METTL15: variants seen among roughly 807,000 people sequenced by gnomAD.
The protein encoded by METTL15 is methyltransferase 15, mitochondrial 12S rRNA N4-cytidine.
Under a neutral mutation model 38.3 loss-of-function variants are expected in METTL15, and 34 were observed. That is an observed-to-expected ratio of 0.89 (90% CI 0.68 to 1.18). METTL15 has a LOEUF of 1.18. METTL15 is among the 50% of genes most tolerant of loss of function. The pLI is 0.00. For synonymous variants in METTL15, 162 were observed against 170.9 expected, an observed-to-expected ratio of 0.95 and a Z score of 0.41; for missense variants, 438 against 498.4, an observed-to-expected ratio of 0.88 and a Z score of 1.15.
chr11:28,526,286 G>T (rs1418323564), intron 6 of METTL15, among the ~76,000 whole-genome samples: 1 of 152,250 alleles, frequency 6.6e-6, no homozygotes, highest in Non-Finnish European at 1.5e-5. Flanking sequence ...CTGACGCCGA[G>T]GCCGAGGAGG....
chr11:28,123,895 C>A (rs1852358279), intron 3 of METTL15: 2 of 1,462,606 alleles, frequency 1.4e-6, no homozygotes, highest in South Asian at 2.8e-5. Context: ...TTAATATATT[C>A]ATAAAGATGG....
chr11:28,219,981 C>T (rs1444579554), intron 4 of METTL15, among the ~76,000 whole-genome samples: 1 of 152,092 alleles, frequency 6.6e-6, no homozygotes, highest in African/African-American at 2.4e-5. Flanking sequence ...TTATTTCCAA[C>T]TATGTGGTCA....
intron 6 of METTL15, among the ~76,000 whole-genome samples, chr11:28,470,900 CT>C (rs926001895): frequency 6.6e-6 from 1 of 152,074 alleles, no homozygotes; most frequent in Non-Finnish European, 1.5e-5. Context: ...ATAATTTCTT[CT>C]TATTATCTAC....
chr11:28,418,286 G>A (rs759154860), intron 5 of METTL15, among the ~76,000 whole-genome samples: 3 of 152,174 alleles, frequency 2.0e-5, no homozygotes, highest in East Asian at 1.9e-4. Flanking sequence ...CTCCAGGAGC[G>A]TTCTTGTGAG....
chr11:28,216,566 C>A (rs1454713291), intron 4 of METTL15, among the ~76,000 whole-genome samples: 1 of 151,576 alleles, frequency 6.6e-6, no homozygotes, highest in African/African-American at 2.4e-5. Flanking sequence ...TGAGAAACTT[C>A]TTTTTTTTAT....
At chr11:28,118,666 A>G (rs910358116) in intron 3 of METTL15, among the ~76,000 whole-genome samples, 2 of 152,152 alleles carry the variant, frequency 1.3e-5, no homozygotes, top group African/African-American at 2.4e-5. Context: ...TTGCCCCAGT[A>G]GTAGTGCTAA....
intron 6 of METTL15, among the ~76,000 whole-genome samples, chr11:28,451,674 G>A (rs1851122047): frequency 6.6e-6 from 1 of 152,160 alleles, no homozygotes; most frequent in Non-Finnish European, 1.5e-5. Flanking sequence ...CTAGCTTATA[G>A]TTCTTATTTC....
At chr11:28,250,367 C>T (rs934272014) in intron 4 of METTL15, among the ~76,000 whole-genome samples, 1 of 151,960 alleles carries the variant, frequency 6.6e-6, no homozygotes, top group African/African-American at 2.4e-5. Flanking sequence ...CCTTTTCTCT[C>T]CAACCTTACT....
intron 3 of METTL15, among the ~76,000 whole-genome samples, chr11:28,184,427 T>C (rs1697286068): frequency 6.6e-6 from 1 of 152,026 alleles, no homozygotes. Context: ...ACACACTGTT[T>C]TAAATGTGTC....
chr11:28,472,840 A>C (rs1440451089), intron 6 of METTL15, among the ~76,000 whole-genome samples: 1 of 152,214 alleles, frequency 6.6e-6, no homozygotes, highest in Non-Finnish European at 1.5e-5. Context: ...TTGTGATGCT[A>C]TTCCTGACAT....
At chr11:28,115,289 G>C (rs1239366805) in intron 3 of METTL15, among the ~76,000 whole-genome samples, 1 of 140,818 alleles carries the variant, frequency 7.1e-6, no homozygotes, top group Non-Finnish European at 1.5e-5. Context: ...ATGGAGTTTT[G>C]CTCTTGTTGC....
rs770033977 is a variant in METTL15, at chr11:28,508,962, C to T, written c.*425-17516C>T. On this transcript the variant is annotated intron_variant and NMD_transcript_variant, in intron 6 of 7. Coordinates refer to the METTL15 transcript ENST00000532947. ...TAATGTTAACCTACAGACTGACCAA[C>T]GTAGTGCATAAGGGAGCCAGTTTTC... 3.9e-5 allele frequency among the ~76,000 whole-genome samples: 6 copies of T among 152,340 alleles called. No individual in the cohort carries two copies. In the East Asian group the frequency reaches 5.8e-4, roughly 15 times the overall value.
intron 6 of METTL15, among the ~76,000 whole-genome samples, chr11:28,325,213 G>A (rs1176471476): frequency 1.3e-5 from 2 of 152,120 alleles, no homozygotes. Context: ...CCCATGTTAC[G>A]GCTACATGGC....
At chr11:28,194,890 C>T (rs1254844869) in intron 3 of METTL15, among the ~76,000 whole-genome samples, 1 of 151,700 alleles carries the variant, frequency 6.6e-6, no homozygotes, top group Non-Finnish European at 1.5e-5. Flanking sequence ...GTTCGTTATA[C>T]CCCTCTGTCT....
chr11:28,117,259 G>GTGTGTGTATA (rs1353342377), intron 3 of METTL15, among the ~76,000 whole-genome samples: 4 of 108,588 alleles, frequency 3.7e-5, no homozygotes, highest in African/African-American at 1.4e-4. Flanking sequence ...GTGTGTGTGT[G>GTGTGTGTATA]TATATATATA....
intron 4 of METTL15, among the ~76,000 whole-genome samples, chr11:28,259,644 A>G (rs189270675): frequency 7.2e-5 from 11 of 152,320 alleles, no homozygotes; most frequent in Admixed American, 3.9e-4. Flanking sequence ...GTAAAAGGGC[A>G]GCACTGACTT....
At chr11:28,302,644 A>G (rs1240702679) in intron 6 of METTL15, among the ~76,000 whole-genome samples, 1 of 152,158 alleles carries the variant, frequency 6.6e-6, no homozygotes, top group African/African-American at 2.4e-5. Context: ...TGTAAGTCCA[A>G]TTAAACCTCT....
chr11:28,433,097 A>C (rs2133433049), intron 6 of METTL15, among the ~76,000 whole-genome samples: 1 of 152,000 alleles, frequency 6.6e-6, no homozygotes, highest in South Asian at 2.1e-4. Flanking sequence ...TCATTCTATT[A>C]ATGCCATAAT....
intron 6 of METTL15, among the ~76,000 whole-genome samples, chr11:28,483,793 C>T (rs1851416415): frequency 6.6e-6 from 1 of 152,084 alleles, no homozygotes; most frequent in African/African-American, 2.4e-5. Flanking sequence ...GGTACTGAAA[C>T]CCTGCTCTAA....
Sources: allele counts gnomAD v4.1 joint callset (sites outside exome capture counted in the v4.1 genomes callset), GRCh38; gene constraint gnomAD v4.1.1; transcripts MANE v1.5; gene names NCBI Gene and HGNC (gene_info 2026-07-23, HGNC 2026-07-21).